Variants in FTSJ1 observed in about 807,000 individuals in gnomAD.
The protein encoded by FTSJ1 is tRNA (cytidine(32)/guanosine(34)-2'-O)-methyltransferase.
In FTSJ1, 3 loss-of-function variants were observed where a neutral mutation model predicts 28.5. The ratio of observed to expected loss-of-function variants is 0.11; its 90% CI spans 0.05 to 0.27. The LOEUF (loss-of-function observed/expected upper bound fraction) is 0.27. Among genes scored for constraint, FTSJ1 ranks in the 10% least tolerant of loss-of-function variants. The pLI, the probability that FTSJ1 is intolerant of heterozygous loss-of-function variation, is 1.00. For synonymous variants in FTSJ1, 104 were observed against 113.9 expected, an observed-to-expected ratio of 0.91 and a Z score of 0.55; for missense variants, 162 against 279.0, an observed-to-expected ratio of 0.58 and a Z score of 2.99.
At position 48,482,683 on chromosome X, in the gene FTSJ1, G is replaced by A. The variant is rs782790305; in HGVS notation, c.846G>A (p.Arg282=). The A allele has an allele frequency of 4.1e-6, 5 of 1,206,415 alleles. No individual in the cohort carries two copies. In the South Asian group the frequency reaches 7.1e-5, roughly 17 times the overall value. ...ACCAGGAGGCCTGCACGTTGAAGAG[G>A]AAGGGGCAGCTGGCCAAGGAGATCC... ...PPYQEACTLK[R]KGQLAKEIRP... Residue 282 remains arginine, a synonymous_variant, in exon 11 of 13, where the codon AGG becomes AGA. Coordinates refer to ENST00000348411, the MANE Select transcript of FTSJ1 (RefSeq NM_012280.4).
At position 48,481,636 on chromosome X, in the gene FTSJ1, C is replaced by T; in HGVS notation, c.576C>T (p.Ala192=). 3 of 1,191,577 alleles carry T rather than the reference C, an allele frequency of 2.5e-6. No individual in the cohort carries two copies. The highest frequency in any genetic ancestry group is 3.4e-6 in the Non-Finnish European group (3 of 876,897). Residue 192 remains alanine, a synonymous_variant, in exon 9 of 13, where the codon GCC becomes GCT. Transcript: ENST00000348411. ...CACTCCACCTTCCCCTGGCAGAGGC[C>T]TTCGCTGTCTGTCAGGGCTATGACC... is the stretch of plus-strand genomic sequence containing the variant. The part of the protein sequence containing the change: ...PRSSRNSSIE[A]FAVCQGYDPP...
Position 48,482,880 on chromosome X carries a change from A to T in FTSJ1, c.957+86A>T. On this transcript the variant is annotated intron_variant, in intron 11 of 12. Transcript: ENST00000348411. ...AAATCTCATGGTTTCTGGGGCCAAA[A>T]TTCCCTTTCCTGCCTCCCAATAGCT... is the stretch of plus-strand genomic sequence containing the variant. 3 of 1,209,361 alleles carry T rather than the reference A, an allele frequency of 2.5e-6. No homozygotes were observed. The Admixed American group carries it at 6.6e-5, about 26-fold the overall frequency.
At chrX:48,482,324 G>A in intron 9 of FTSJ1, 79 bp from the exon 10 acceptor site, 1 of 622,247 alleles carries the variant, frequency 1.6e-6, no homozygotes, top group Non-Finnish European at 2.7e-6. Flanking sequence ...GGAGGGTTTG[G>A]CAGCCATACC....
intron 9 of FTSJ1, 86 bp downstream of exon 9, chrX:48,481,801 C>T: frequency 3.2e-6 from 2 of 620,134 alleles, no homozygotes; most frequent in Non-Finnish European, 5.4e-6. Flanking sequence ...GTCTCACCCC[C>T]TGGGGGAGGC....
At chrX:48,483,414 A>T (rs1556969294) in intron 12 of FTSJ1, 1 of 144,838 alleles carries the variant, frequency 6.9e-6, no homozygotes, top group East Asian at 1.8e-4. Flanking sequence ...CTTGCAATAT[A>T]TATAATATAT....
chrX:48,478,753 C>A, intron 4 of FTSJ1, 46 bp downstream of exon 4: 1 of 922,353 alleles, frequency 1.1e-6, no homozygotes. Context: ...GGGTGAAGGC[C>A]CTTACCTGGG....
At position 48,482,649 on chromosome X, in the gene FTSJ1, C is replaced by T. The variant is rs1424891069; in HGVS notation, c.812C>T (p.Ser271Leu). Reference sequence around the variant, plus strand: ...ACTCCACCCACACAGCCCCCCATCTCGCCACCATACCAGGAGGCCTGCACG... The same window carrying T: ...ACTCCACCCACACAGCCCCCCATCTTGCCACCATACCAGGAGGCCTGCACG... ...KYTPPTQPPI[S>L]PPYQEACTLK... is the part of the protein sequence containing the mutation. The change falls in exon 11 of 13, where the codon TCG becomes TTG. Residue 271 changes from serine to leucine, a missense_variant. Coordinates refer to ENST00000348411, the MANE Select transcript of FTSJ1 (RefSeq NM_012280.4). The T allele has an allele frequency of 5.8e-6, 7 of 1,201,701 alleles. No individual in the cohort carries two copies. The highest frequency in any genetic ancestry group is 3.0e-5 in the East Asian group (1 of 33,400).
Position 48,478,101 on chromosome X carries a change from G to C in FTSJ1, c.54G>C (p.Glu18Asp). 1 of 1,211,124 alleles carries C rather than the reference G, an allele frequency of 8.3e-7. No individual in the cohort carries two copies. Among genetic ancestry groups the C allele is most frequent in the Non-Finnish European group, 1.1e-6 (1 of 894,872 alleles). The change falls in exon 2 of 13, where the codon GAG becomes GAC. Residue 18 changes from glutamate to aspartate, a missense_variant. Glu to Asp is a conservative substitution (Grantham distance 45). Coordinates refer to ENST00000348411, the MANE Select transcript of FTSJ1 (RefSeq NM_012280.4). ...ATGTCTACTACCGCCTGGCCAAGGAGAATGGCTGGCGTGCTCGCAGCGCCT... is the reference window on the plus strand; with the variant it reads ...ATGTCTACTACCGCCTGGCCAAGGACAATGGCTGGCGTGCTCGCAGCGCCT... Reference protein sequence around the residue: ...KRDVYYRLAKENGWRARSAFK... With the variant: ...KRDVYYRLAKDNGWRARSAFK...
At chrX:48,479,459 G>A (rs1445435282) in intron 5 of FTSJ1, among the ~76,000 whole-genome samples, 3 of 112,735 alleles carry the variant, frequency 2.7e-5, no homozygotes, top group African/African-American at 9.7e-5. Context: ...ATTGTGTTGG[G>A]AAAACATTCA....
At chrX:48,485,374 G>A (rs1353201220) in intron 12 of FTSJ1, among the ~76,000 whole-genome samples, 6 of 112,156 alleles carry the variant, frequency 5.3e-5, no homozygotes, top group East Asian at 2.8e-4. Flanking sequence ...TACATTCACC[G>A]TGGAGAACTG....
chrX:48,476,386 C>T lies in FTSJ1; in HGVS notation c.-98C>T. 1 of 296,627 alleles carries T rather than the reference C, an allele frequency of 3.4e-6. No homozygotes were observed. The highest frequency in any genetic ancestry group is 5.9e-6 in the Non-Finnish European group (1 of 169,370). The allele number at this position is 296,627 out of a possible 1,213,427, so 24.4% of individuals were successfully genotyped here. On this transcript the variant is annotated 5_prime_UTR_variant, in exon 1 of 13. Coordinates refer to ENST00000348411, the MANE Select transcript of FTSJ1 (RefSeq NM_012280.4). ...AGGCTGCTCGCGGACCACCCTGCTC[C>T]GAAAACTAAGGTGGGCCCTGGGGCG... is the stretch of plus-strand genomic sequence containing the variant.
intron 9 of FTSJ1, 138 bp from the exon 10 acceptor site, chrX:48,482,265 A>G: frequency 2.0e-6 from 1 of 510,781 alleles, no homozygotes; most frequent in Non-Finnish European, 3.5e-6. Context: ...TCTGAACCAA[A>G]TGAAGGATTT....
chrX:48,481,119 G>A (rs1339641114), intron 5 of FTSJ1, 32 bp from the exon 6 acceptor site: 2 of 1,176,512 alleles, frequency 1.7e-6, no homozygotes, highest in Non-Finnish European at 2.3e-6. Context: ...GAGCCAGATG[G>A]GACCCCCCTA....
Position 48,481,473 on chromosome X carries a change from C to G in FTSJ1, c.516C>G (p.Val172=). ...DVTLLYSQLQ[V]FFSSVLCAKP... ...CGCTCCTCTACAGCCAGCTGCAGGT[C>G]TTCTTCTCCAGCGTGCTGTGTGCCA... The change falls in exon 8 of 13, where the codon GTC becomes GTG. Residue 172 remains valine (V), a synonymous_variant. Coordinates refer to ENST00000348411, the MANE Select transcript of FTSJ1 (RefSeq NM_012280.4). The G allele has an allele frequency of 8.3e-7, 1 of 1,211,934 alleles. No homozygotes were observed. Among genetic ancestry groups the G allele is most frequent in the Non-Finnish European group, 1.1e-6 (1 of 895,285 alleles).
rs782767378 is a variant in FTSJ1 at position 48,482,711 on chromosome X, C to T, written c.874C>T (p.Pro292Ser). 1 of 1,208,881 alleles carries T rather than the reference C, an allele frequency of 8.3e-7. No individual in the cohort carries two copies. Among genetic ancestry groups the T allele is most frequent in the Admixed American group, 2.2e-5 (1 of 45,800 alleles). Residue 292 changes from proline (P) to serine (S), a missense_variant, in exon 11 of 13, where the codon CCC (proline) becomes TCC (serine). By Grantham distance (74) the Pro-to-Ser change is moderately conservative. Coordinates refer to ENST00000348411, the MANE Select transcript of FTSJ1 (RefSeq NM_012280.4). The stretch of plus-strand genomic sequence containing the variant: ...GGGGCAGCTGGCCAAGGAGATCCGC[C>T]CCCAGGACTGCCCCATCAGCAGAGT... ...RKGQLAKEIR[P>S]QDCPISRVDT...
At chrX:48,479,288 C>T (rs782211528) in intron 5 of FTSJ1, among the ~76,000 whole-genome samples, 172 bp downstream of exon 5, 47 of 112,124 alleles carry the variant, frequency 4.2e-4, no homozygotes, top group Non-Finnish European at 7.9e-4. Flanking sequence ...TGCCTGTTCT[C>T]TCTCTGCCTC....
intron 9 of FTSJ1, 66 bp from the exon 10 acceptor site, chrX:48,482,337 C>A: frequency 1.4e-6 from 1 of 713,563 alleles, no homozygotes; most frequent in Non-Finnish European, 2.2e-6. Flanking sequence ...GCCATACCGC[C>A]GCCTGTGTCA....
At chrX:48,482,084 A>G (rs1014913616) in intron 9 of FTSJ1, among the ~76,000 whole-genome samples, 1 of 112,109 alleles carries the variant, frequency 8.9e-6, no homozygotes, top group African/African-American at 3.2e-5. Flanking sequence ...TTTGCCCCTT[A>G]AGCCTCTAGC....
Position 48,482,602 on chromosome X carries a change from G to A in FTSJ1, c.765G>A (p.Glu255=). ...CTACCCCTCTGTCCCTGCAGCTAGA[G>A]GGCGGCTCAGAGTACAAGTACACTC... is the stretch of plus-strand genomic sequence containing the variant. The part of the protein sequence containing the change: ...DSDRSYPLDL[E]GGSEYKYTPP... Residue 255 remains glutamate (E), a synonymous_variant, in exon 11 of 13, where the codon GAG becomes GAA. Transcript: ENST00000348411. 2 of 1,200,193 alleles carry A rather than the reference G, an allele frequency of 1.7e-6. No homozygotes were observed. The highest frequency in any genetic ancestry group is 1.8e-5 in the South Asian group (1 of 55,430).
Sources: allele counts gnomAD v4.1 joint callset (sites outside exome capture counted in the v4.1 genomes callset), GRCh38; gene constraint gnomAD v4.1.1; transcripts MANE v1.5; gene names NCBI Gene and HGNC (gene_info 2026-07-23, HGNC 2026-07-21).